Variants in KLF13 observed in about 807,000 individuals in gnomAD.
The protein encoded by KLF13 is Krueppel-like factor 13.
Under a neutral mutation model 16.7 loss-of-function variants are expected in KLF13, and 8 were observed. That is an observed-to-expected ratio of 0.48 (90% confidence interval 0.28 to 0.87). The LOEUF is 0.87. KLF13 is among the 40% of genes least tolerant of loss of function. The probability of loss-of-function intolerance (pLI) is 0.10; values close to 1 mark genes in which losing one functional copy is unlikely to be tolerated. For missense variants in KLF13, 447 were observed against 452.2 expected, an observed-to-expected ratio of 0.99 and a Z score of 0.10; for synonymous variants, 245 against 208.4, an observed-to-expected ratio of 1.18 and a Z score of -1.51.
At chr15:31,415,584 G>C (rs1263481795) in intron 1 of KLF13, among the ~76,000 whole-genome samples, 2 of 152,132 alleles carry the variant, frequency 1.3e-5, no homozygotes, top group Admixed American at 6.5e-5. Flanking sequence ...AAAATAGATT[G>C]ATGTGAGTGA....
At chr15:31,395,906 C>G (rs1027263919) in intron 2 of KLF13, among the ~76,000 whole-genome samples, 5 of 152,254 alleles carry the variant, frequency 3.3e-5, no homozygotes, top group Non-Finnish European at 5.9e-5. Context: ...AGAAGTCTGC[C>G]TCAGAGTCCC....
intron 1 of KLF13, among the ~76,000 whole-genome samples, chr15:31,368,470 T>A (rs747450094): frequency 1.3e-5 from 2 of 152,256 alleles, no homozygotes; most frequent in Non-Finnish European, 2.9e-5. Context: ...TCTTTGAACA[T>A]GTTTTGGGAA....
chr15:31,369,416 A>T (rs1364156174), intron 1 of KLF13, among the ~76,000 whole-genome samples: 1 of 152,086 alleles, frequency 6.6e-6, no homozygotes, highest in Non-Finnish European at 1.5e-5. Context: ...CATAGGAAAA[A>T]CCCCTAGAAC....
At chr15:31,367,460 T>G (rs886676662) in intron 1 of KLF13, among the ~76,000 whole-genome samples, 8 of 152,166 alleles carry the variant, frequency 5.3e-5, no homozygotes, top group Admixed American at 2.6e-4. Flanking sequence ...ACACCCACCT[T>G]CCTCCACTCC....
intron 1 of KLF13, among the ~76,000 whole-genome samples, chr15:31,386,958 A>G (rs538193261): frequency 6.6e-6 from 1 of 152,376 alleles, no homozygotes; most frequent in South Asian, 2.1e-4. Context: ...CTGCTCAGGA[A>G]AAAAGACTCC....
rs527429168 is a variant in KLF13, at chr15:31,375,727, A to G, written c.*3428A>G. On this transcript the variant is annotated 3_prime_UTR_variant, in exon 2 of 2. Coordinates refer to ENST00000307145, the MANE Select transcript of KLF13 (RefSeq NM_015995.4). ...GGATCCTACAGCCATACAGGAAAAC[A>G]GACGGACACAGCCCTTTCCTTAAAG... 1.1e-4 allele frequency: 17 copies of G among 152,312 alleles called. No individual in the cohort carries two copies. The highest frequency in any genetic ancestry group is 2.0e-4 in the Admixed American group (3 of 15,304). The allele number at this position is 152,312 out of a possible 1,614,324, so 9.4% of individuals were successfully genotyped here.
intron 1 of KLF13, among the ~76,000 whole-genome samples, chr15:31,354,053 A>G (rs538172708): frequency 2.6e-4 from 39 of 152,350 alleles, no homozygotes; most frequent in South Asian, 1.7e-3. Flanking sequence ...GGCCCTGGAT[A>G]CAGCGTCAGT....
upstream of KLF13, among the ~76,000 whole-genome samples, chr15:31,388,879 A>C (rs1487880123): frequency 2.7e-5 from 4 of 150,292 alleles, no homozygotes; most frequent in African/African-American, 9.7e-5. Flanking sequence ...TAGGGGACTA[A>C]ACTTTTTATC....
chr15:31,345,190 G>T (rs1257252158), intron 1 of KLF13, among the ~76,000 whole-genome samples: 2 of 152,350 alleles, frequency 1.3e-5, no homozygotes, highest in Admixed American at 1.3e-4. Context: ...GCATGCAGGC[G>T]TGCTGCATCG....
chr15:31,369,520 C>T (rs540646139), intron 1 of KLF13, among the ~76,000 whole-genome samples: 2 of 152,226 alleles, frequency 1.3e-5, no homozygotes, highest in South Asian at 2.1e-4. Flanking sequence ...TTTTATTTTT[C>T]CTGGAGTTTC....
Position 31,353,065 on chromosome 15 carries a change from AG to A in KLF13, c.578-18943del, listed in dbSNP as rs1316746750. Reference sequence around the variant, plus strand: ...CCTTCCAGGGGAGGAGGGACTGCAGAGGTAGTGACAGGGAAGGGACCCTGGG... The same window carrying A: ...CCTTCCAGGGGAGGAGGGACTGCAGAGTAGTGACAGGGAAGGGACCCTGGG... On this transcript the variant is annotated intron_variant, in intron 1 of 1. Coordinates refer to ENST00000307145, the MANE Select transcript of KLF13 (RefSeq NM_015995.4). 5.3e-5 allele frequency among the ~76,000 whole-genome samples: 8 copies of A among 152,210 alleles called. No individual in the cohort carries two copies. In the South Asian group the frequency reaches 1.5e-3, roughly 28 times the overall value.
At chr15:31,410,756 T>C (rs1296542130) in intron 1 of KLF13, among the ~76,000 whole-genome samples, 1 of 150,972 alleles carries the variant, frequency 6.6e-6, no homozygotes, top group Non-Finnish European at 1.5e-5. Context: ...AACAACAGAG[T>C]TCGAAATACA....
intron 1 of KLF13, among the ~76,000 whole-genome samples, chr15:31,432,759 C>A (rs955324686): frequency 2.0e-5 from 3 of 152,076 alleles, no homozygotes; most frequent in African/African-American, 7.2e-5. Context: ...CTGGTCATTT[C>A]CATTTGAAGC....
chr15:31,379,668 G>A (rs1171348792), downstream of KLF13, among the ~76,000 whole-genome samples: 1 of 152,186 alleles, frequency 6.6e-6, no homozygotes, highest in Non-Finnish European at 1.5e-5. Context: ...CATGCGTGTA[G>A]CACATTTTCT....
exon 3 of KLF13, chr15:31,404,388 G>A (rs1025623485): frequency 1.6e-4 from 25 of 152,302 alleles, no homozygotes; most frequent in African/African-American, 4.8e-4. Context: ...GTCTTACAAA[G>A]GGATTGTAAA....
chr15:31,354,125 G>C (rs1386423398), intron 1 of KLF13, among the ~76,000 whole-genome samples: 2 of 152,168 alleles, frequency 1.3e-5, no homozygotes, highest in Non-Finnish European at 2.9e-5. Context: ...GCACAGCTCT[G>C]CCCTCCCAGT....
chr15:31,412,814 C>G (rs1457435248), intron 1 of KLF13, among the ~76,000 whole-genome samples: 1 of 152,130 alleles, frequency 6.6e-6, no homozygotes, highest in African/African-American at 2.4e-5. Context: ...CCAAGGGCCT[C>G]TAGAGAACAG....
At chr15:31,397,879 G>A (rs917703059) in intron 2 of KLF13, among the ~76,000 whole-genome samples, 5 of 149,558 alleles carry the variant, frequency 3.3e-5, no homozygotes, top group Non-Finnish European at 5.9e-5. Context: ...GGCGGCGGGG[G>A]GGGTGGTGAT....
At chr15:31,426,516 G>A (rs572047013) in intron 1 of KLF13, among the ~76,000 whole-genome samples, 17 of 152,222 alleles carry the variant, frequency 1.1e-4, no homozygotes, top group Admixed American at 4.6e-4. Context: ...AAAGTAAAAC[G>A]CAACCTACAG....
Sources: gnomAD v4.1 joint callset for allele counts (sites outside exome capture counted in the v4.1 genomes callset) on GRCh38, gnomAD v4.1.1 for gene constraint, MANE v1.5 for transcripts, NCBI Gene and HGNC (gene_info 2026-07-23, HGNC 2026-07-21) for gene names.